The following C11orf54 variants were observed in gnomAD, a reference collection of about 807,000 sequenced individuals.
C11orf54 encodes the protein beta-keto-L-gulonate decarboxylase.
In C11orf54, 29 loss-of-function variants were observed where a neutral mutation model predicts 35.5. That is an observed-to-expected ratio of 0.82 (90% confidence interval 0.61 to 1.11). The LOEUF (loss-of-function observed/expected upper bound fraction) is 1.11, where lower values mean the gene tolerates loss of function less well. C11orf54 is among the 50% of genes most tolerant of loss of function. C11orf54 has a pLI of 0.00. For missense variants in C11orf54, 373 were observed against 369.2 expected (o/e 1.01, Z -0.08); for synonymous variants, 108 against 121.1 (o/e 0.89, Z 0.71).
chr11:93,757,262 TC>T, intron 6 of C11orf54, 53 bp from the exon 7 acceptor site: 1 of 1,531,076 alleles, frequency 6.5e-7, no homozygotes, highest in South Asian at 1.2e-5. Flanking sequence ...ATGTTTTATT[TC>T]AGTAGTTATT....
chr11:93,758,193 ACT>A (rs1343081850), intron 7 of C11orf54, among the ~76,000 whole-genome samples: 1 of 151,832 alleles, frequency 6.6e-6, no homozygotes, highest in Non-Finnish European at 1.5e-5. Context: ...GAGGCTACAC[ACT>A]CTATGGAGCG....
chr11:93,747,767 C>T (rs1220483642), intron 2 of C11orf54, among the ~76,000 whole-genome samples: 1 of 151,962 alleles, frequency 6.6e-6, no homozygotes. Flanking sequence ...TGTGTGATGC[C>T]CAAAGAGTCG....
chr11:93,755,225 C>T lies in C11orf54; in HGVS notation c.346C>T (p.Gln116Ter), dbSNP rs1943069224. The T allele has an allele frequency of 1.2e-6, 2 of 1,613,726 alleles. No homozygotes were observed. Among genetic ancestry groups the T allele is most frequent in the South Asian group, 2.2e-5 (2 of 91,024 alleles). ...GFNSEFMPVI[Q>*]TESEHKPPVN... ...TTCTTTTCAGTTTATGCCAGTTATTCAGACAGAAAGTGAACACAAGCCTCC... is the reference window on the plus strand; with the variant it reads ...TTCTTTTCAGTTTATGCCAGTTATTTAGACAGAAAGTGAACACAAGCCTCC... The change falls in exon 6 of 9, where the codon CAG (glutamine) becomes TAG (stop). Residue 116 changes from glutamine to a stop codon, truncating the protein, a stop_gained. Transcript: ENST00000354421. LOFTEE classifies it high-confidence loss of function.
chr11:93,757,189 A>G (rs1372145074), intron 6 of C11orf54, 127 bp from the exon 7 acceptor site: 26 of 989,570 alleles, frequency 2.6e-5, no homozygotes, highest in Non-Finnish European at 3.7e-5. Flanking sequence ...GCAACATCTC[A>G]ACTCAGATCT....
chr11:93,753,757 T>C lies in C11orf54; in HGVS notation c.228+2T>C. 1 of 1,613,074 alleles carries C rather than the reference T, an allele frequency of 6.2e-7. No homozygotes were observed. The highest frequency in any genetic ancestry group is 8.5e-7 in the Non-Finnish European group (1 of 1,179,350). ...TTGCCTCTTGTAAACCAAAAAAAAGTAAGTACTTTTACTCTGCATATTCAC... is the reference window on the plus strand; with the variant it reads ...TTGCCTCTTGTAAACCAAAAAAAAGCAAGTACTTTTACTCTGCATATTCAC... On this transcript the variant is annotated splice_donor_variant, in intron 4 of 8. Coordinates refer to ENST00000354421, the MANE Select transcript of C11orf54 (RefSeq NM_001286069.2). LOFTEE classifies it high-confidence loss of function.
At chr11:93,759,012 G>C (rs1197164449) in intron 7 of C11orf54, among the ~76,000 whole-genome samples, 2 of 152,352 alleles carry the variant, frequency 1.3e-5, no homozygotes, top group South Asian at 2.1e-4. Context: ...GGAAACAACA[G>C]ATGCTGGAGA....
Position 93,757,368 on chromosome 11 carries a change from G to A in C11orf54, c.560G>A (p.Cys187Tyr). The change falls in exon 7 of 9, where the codon TGT becomes TAT. Residue 187 changes from cysteine (C) to tyrosine (Y), a missense_variant. Physicochemically the swap from Cys to Tyr is radical, Grantham distance 194. Coordinates refer to ENST00000354421, the MANE Select transcript of C11orf54 (RefSeq NM_001286069.2). ...ACTGGACCACTTAACTTTGTGACTTGTATGAGAGAGACCCTGGAAAAACAT... is the reference window on the plus strand; with the variant it reads ...ACTGGACCACTTAACTTTGTGACTTATATGAGAGAGACCCTGGAAAAACAT... Reference protein sequence around the residue: ...RRTGPLNFVTCMRETLEKHYG... With the variant: ...RRTGPLNFVTYMRETLEKHYG... 6.3e-7 allele frequency: 1 copy of A among 1,598,278 alleles called. No homozygotes were observed. Among genetic ancestry groups the A allele is most frequent in the Non-Finnish European group, 8.5e-7 (1 of 1,179,768 alleles).
At position 93,762,453 on chromosome 11, in the gene C11orf54, C is replaced by T. The variant is rs1239366622; in HGVS notation, c.*765C>T. 6.6e-6 allele frequency: 1 copy of T among 152,006 alleles called. No individual in the cohort carries two copies. The highest frequency in any genetic ancestry group is 1.5e-5 in the Non-Finnish European group (1 of 68,004). 9.4% of individuals were successfully genotyped at this position (152,006 alleles called of 1,614,324 possible). A position where few individuals can be genotyped will look rare whatever the true frequency, so the allele number is the denominator to read the frequency against. Reference sequence around the variant, plus strand: ...CTTTACCCTTCTGGTGAAGTTAAACCATAGAAGTTTACAATTTGCCTTTCA... The same window carrying T: ...CTTTACCCTTCTGGTGAAGTTAAACTATAGAAGTTTACAATTTGCCTTTCA... On this transcript the variant is annotated 3_prime_UTR_variant, in exon 9 of 9. Transcript: ENST00000354421.
At position 93,753,974 on chromosome 11, in the gene C11orf54, G is replaced by T; in HGVS notation, c.267G>T (p.Leu89=). The change falls in exon 5 of 9, where the codon CTG becomes CTT. Residue 89 remains leucine, a synonymous_variant. Coordinates refer to ENST00000354421, the MANE Select transcript of C11orf54 (RefSeq NM_001286069.2). ...ATAAAATTGCAAAAGAAATCAAGCT[G>T]CCTGGAGCCTTTATTCTTGGAGCAG... The part of the protein sequence containing the change: ...DLNKIAKEIK[L]PGAFILGAGA... The T allele has an allele frequency of 1.9e-6, 3 of 1,614,100 alleles. No homozygotes were observed. Among genetic ancestry groups the T allele is most frequent in the Non-Finnish European group, 2.5e-6 (3 of 1,179,992 alleles).
At chr11:93,755,053 G>A in intron 5 of C11orf54, 157 bp from the exon 6 acceptor site, 1 of 854,956 alleles carries the variant, frequency 1.2e-6, no homozygotes, top group African/African-American at 1.7e-5. Context: ...TGTTTTCCAA[G>A]TTTTTTATGT....
Position 93,747,282 on chromosome 11 carries a change from A to T in C11orf54, c.-97-15A>T, listed in dbSNP as rs1942522099. 1.4e-6 allele frequency: 1 copy of T among 722,018 alleles called. No homozygotes were observed. The highest frequency in any genetic ancestry group is 1.8e-5 in the African/African-American group (1 of 54,446). The allele number at this position is 722,018 out of a possible 1,614,324, so 44.7% of individuals were successfully genotyped here. On this transcript the variant is annotated splice_polypyrimidine_tract_variant and intron_variant, in intron 1 of 8. Transcript: ENST00000354421. ...GTTCTGTTTATATGTTTGAATGCTC[A>T]ATGTTCATTTCCAGAACAGAAACTG...
At position 93,749,546 on chromosome 11, in the gene C11orf54, A is replaced by T. The variant is rs548000970; in HGVS notation, c.56-800A>T. On this transcript the variant is annotated intron_variant, in intron 2 of 8. Coordinates refer to ENST00000354421, the MANE Select transcript of C11orf54 (RefSeq NM_001286069.2). The stretch of plus-strand genomic sequence containing the variant: ...AAAAAAACTGTTGAGGCTAGGTGTG[A>T]TGGCTCATTGTAATCCCAGCACTTT... Among the ~76,000 whole-genome samples, 154 of 145,020 alleles carry T rather than the reference A, an allele frequency of 1.1e-3. 1 individual carries two copies. The highest frequency in any genetic ancestry group is 2.6e-3 in the Admixed American group (37 of 14,424).
At position 93,761,764 on chromosome 11, in the gene C11orf54, A is replaced by G; in HGVS notation, c.*76A>G. 1.5e-6 allele frequency: 2 copies of G among 1,352,486 alleles called. No individual in the cohort carries two copies. Among genetic ancestry groups the G allele is most frequent in the South Asian group, 1.5e-5 (1 of 65,154 alleles). 83.8% of individuals were successfully genotyped at this position (1,352,486 alleles called of 1,614,324 possible). On this transcript the variant is annotated 3_prime_UTR_variant, in exon 9 of 9. Coordinates refer to ENST00000354421, the MANE Select transcript of C11orf54 (RefSeq NM_001286069.2). ...TTGACTTATTAATTAATACTGATAT[A>G]AAACCAATAGAAATGATCCCACAGG...
At chr11:93,751,820 C>CTT (rs35146074) in intron 3 of C11orf54, among the ~76,000 whole-genome samples, 2,416 of 80,052 alleles carry the variant, frequency 0.03, 14 homozygotes, top group African/African-American at 0.043. Context: ...AATGGTTAAT[C>CTT]TTTTTTTTTT....
At position 93,755,204 on chromosome 11, in the gene C11orf54, T is replaced by G; in HGVS notation, c.331-6T>G. ...AGATTGACTAATTGCCTCACTTTCTTTTCAGTTTATGCCAGTTATTCAGAC... is the reference window on the plus strand; with the variant it reads ...AGATTGACTAATTGCCTCACTTTCTGTTCAGTTTATGCCAGTTATTCAGAC... On this transcript the variant is annotated splice_region_variant and splice_polypyrimidine_tract_variant and intron_variant, in intron 5 of 8. Transcript: ENST00000354421. The G allele has an allele frequency of 3.1e-6, 5 of 1,612,996 alleles. No homozygotes were observed. The highest frequency in any genetic ancestry group is 3.4e-6 in the Non-Finnish European group (4 of 1,179,366).
chr11:93,748,468 T>C (rs895285810), intron 2 of C11orf54, among the ~76,000 whole-genome samples: 4 of 152,124 alleles, frequency 2.6e-5, no homozygotes, highest in Admixed American at 1.3e-4. Context: ...TTTGATTGCT[T>C]TTCTAGAATC....
chr11:93,749,143 C>CA (rs879164036), intron 2 of C11orf54, among the ~76,000 whole-genome samples: 1,739 of 53,834 alleles, frequency 0.032, 44 homozygotes, highest in African/African-American at 0.096. Flanking sequence ...GACTCCATCT[C>CA]AAAAAAAAAA....
chr11:93,748,135 A>G lies in C11orf54; in HGVS notation c.55+687A>G, dbSNP rs114955059. 5.5e-3 allele frequency among the ~76,000 whole-genome samples: 841 copies of G among 152,184 alleles called. 12 individuals carry two copies. Among genetic ancestry groups the G allele is most frequent in the African/African-American group, 0.019 (785 of 41,534 alleles). On this transcript the variant is annotated intron_variant, in intron 2 of 8. Transcript: ENST00000354421. Reference sequence around the variant, plus strand: ...TTCTGGTAGTTCATTTGTCATCCTGATAAGATTGAAGTTAAGAAATAGACT... The same window carrying G: ...TTCTGGTAGTTCATTTGTCATCCTGGTAAGATTGAAGTTAAGAAATAGACT...
rs574863420 is a variant in C11orf54 at position 93,762,886 on chromosome 11, C to G, written c.*1198C>G. 1 of 152,116 alleles carries G rather than the reference C, an allele frequency of 6.6e-6. No homozygotes were observed. The highest frequency in any genetic ancestry group is 6.6e-5 in the Admixed American group (1 of 15,264). 9.4% of individuals were successfully genotyped at this position (152,116 alleles called of 1,614,324 possible). A position where few individuals can be genotyped will look rare whatever the true frequency, so the allele number is the denominator to read the frequency against. On this transcript the variant is annotated 3_prime_UTR_variant, in exon 9 of 9. Transcript: ENST00000354421. Reference sequence around the variant, plus strand: ...TGAAATTTTCCTGAATAATCATTAGCCAAAGATCAACTCTCTAATGGTGCT... The same window carrying G: ...TGAAATTTTCCTGAATAATCATTAGGCAAAGATCAACTCTCTAATGGTGCT...
Sources: gnomAD v4.1 joint callset for allele counts (sites outside exome capture counted in the v4.1 genomes callset) on GRCh38, gnomAD v4.1.1 for gene constraint, MANE v1.5 for transcripts, NCBI Gene and HGNC (gene_info 2026-07-23, HGNC 2026-07-21) for gene names.